Variants in ADGRB1 observed in about 807,000 individuals in gnomAD.
ADGRB1 encodes the protein adhesion G protein-coupled receptor B1, also known as brain-specific angiogenesis inhibitor 1.
Under a neutral mutation model 175.7 loss-of-function variants are expected in ADGRB1, and 36 were observed. The observed-to-expected ratio is 0.20, with a 90% CI of 0.16 to 0.27. The LOEUF (loss-of-function observed/expected upper bound fraction) is 0.27. Among genes scored for constraint, ADGRB1 ranks in the 10% least tolerant of loss-of-function variants. ADGRB1 has a pLI of 1.00. For synonymous variants in ADGRB1, 1,054 were observed against 979.4 expected (o/e 1.08, Z -1.42); for missense variants, 1,731 against 2,255.3 (o/e 0.77, Z 4.71).
chr8:142,476,985 G>C (rs1352497754), intron 4 of ADGRB1, 129 bp from the exon 5 acceptor site: 4 of 1,306,456 alleles, frequency 3.1e-6, no homozygotes, highest in Non-Finnish European at 3.0e-6. Context: ...TGGTTCGAAG[G>C]CCCGGGGGCT....
At chr8:142,505,475 G>T (rs997007132) in intron 17 of ADGRB1, among the ~76,000 whole-genome samples, 8 of 152,200 alleles carry the variant, frequency 5.3e-5, no homozygotes, top group African/African-American at 1.7e-4. Context: ...TGGGGACAAG[G>T]TTGTGGCCCT....
chr8:142,544,043 C>T (rs537191005), intron 30 of ADGRB1, among the ~76,000 whole-genome samples, 177 bp from the exon 31 acceptor site: 51 of 152,242 alleles, frequency 3.3e-4, no homozygotes, highest in African/African-American at 1.2e-3. Context: ...CTGTGCCTGC[C>T]GCTGCCCAGC....
intron 6 of ADGRB1, 83 bp downstream of exon 6, chr8:142,477,632 C>A (rs1040240391): frequency 2.0e-6 from 3 of 1,489,726 alleles, no homozygotes; most frequent in African/African-American, 2.8e-5. Flanking sequence ...GCCCAGGAGC[C>A]CAGCTTTGCC....
chr8:142,476,693 C>T lies in ADGRB1; in HGVS notation c.1055C>T (p.Thr352Ile), dbSNP rs1290599967. ...CAGTTTGGGTTCCCAGCCCCCCAGA[C>T]CGGTGAGCTGGCGGGAGGGGGGTGG... ...LQQFGFPAPQTGDPAAEEWSP... is the reference protein window; with the variant it reads ...LQQFGFPAPQIGDPAAEEWSP... The change falls in exon 4 of 31, where the codon ACC (threonine) becomes ATC (isoleucine). Residue 352 changes from threonine (T) to isoleucine (I), a missense_variant and splice_region_variant. Physicochemically the swap from Thr to Ile is moderately conservative, Grantham distance 89. Around this residue, in one of 8 missense-constraint regions of ADGRB1, gnomAD observed 178 missense variants for 227.8 expected, o/e 0.78. Coordinates refer to ENST00000517894, the MANE Select transcript of ADGRB1 (RefSeq NM_001702.3). The T allele has an allele frequency of 1.9e-6, 3 of 1,544,946 alleles. No homozygotes were observed. The East Asian group carries it at 7.4e-5, about 38-fold the overall frequency.
chr8:142,529,523 AGT>A (rs372043957), intron 24 of ADGRB1, among the ~76,000 whole-genome samples: 6 of 152,112 alleles, frequency 3.9e-5, no homozygotes, highest in African/African-American at 1.4e-4. Context: ...CATGTGTAAG[AGT>A]GTGCCTTGAT....
At chr8:142,496,403 G>A (rs1243847167) in intron 17 of ADGRB1, among the ~76,000 whole-genome samples, 1 of 151,930 alleles carries the variant, frequency 6.6e-6, no homozygotes, top group Non-Finnish European at 1.5e-5. Flanking sequence ...TGTGTGAATG[G>A]AGGTATGGAC....
In ADGRB1 at chr8:142,464,086, G is replaced by GCCCCCACCCGGC; in HGVS notation, c.-111_-110insCCCACCCGGCCC. 1.0e-4 allele frequency: 20 copies of GCCCCCACCCGGC among 197,984 alleles called. No homozygotes were observed. The highest frequency in any genetic ancestry group is 4.6e-4 in the East Asian group (4 of 8,766). 12.3% of individuals were successfully genotyped at this position (197,984 alleles called of 1,614,324 possible). ...CCCTCTCCCATCCCACCCTTGCCCCGCCTCCCTGCCCCCACCGGGCCGGCC... is the reference window on the plus strand; with the variant it reads ...CCCTCTCCCATCCCACCCTTGCCCCGCCCCCACCCGGCCCTCCCTGCCCCCACCGGGCCGGCC... On this transcript the variant is annotated 5_prime_UTR_variant, in exon 2 of 31. Transcript: ENST00000517894.
intron 3 of ADGRB1, 48 bp downstream of exon 3, chr8:142,475,683 G>A (rs1840921494): frequency 8.4e-7 from 1 of 1,191,250 alleles, no homozygotes; most frequent in Non-Finnish European, 1.0e-6. Flanking sequence ...GAGAGGCGGG[G>A]CCTGTGAGGG....
At chr8:142,518,510 T>C (rs13254742) in intron 19 of ADGRB1, among the ~76,000 whole-genome samples, 152,312 of 152,312 alleles carry the variant, frequency 1, 76,156 homozygotes, top group Non-Finnish European at 1. Context: ...CGTGCCCCCT[T>C]TGCCTGCACT....
At chr8:142,540,612 G>T (rs973745718) in intron 27 of ADGRB1, among the ~76,000 whole-genome samples, 1 of 152,214 alleles carries the variant, frequency 6.6e-6, no homozygotes, top group East Asian at 1.9e-4. Context: ...GGGTACATGC[G>T]AGGGAGGCAC....
At chr8:142,495,492 C>T (rs1185008285) in intron 17 of ADGRB1, among the ~76,000 whole-genome samples, 1 of 152,206 alleles carries the variant, frequency 6.6e-6, no homozygotes, top group Non-Finnish European at 1.5e-5. Context: ...TATCTATTAT[C>T]TCCCAGTTCT....
chr8:142,496,981 C>T (rs748505114), intron 17 of ADGRB1, among the ~76,000 whole-genome samples: 3 of 152,186 alleles, frequency 2.0e-5, no homozygotes, highest in Non-Finnish European at 2.9e-5. Flanking sequence ...TCCTGGTAGG[C>T]GTGTGTGGAA....
At chr8:142,512,395 G>T (rs1451401684) in intron 18 of ADGRB1, among the ~76,000 whole-genome samples, 1 of 152,222 alleles carries the variant, frequency 6.6e-6, no homozygotes, top group Non-Finnish European at 1.5e-5. Context: ...CTTTCACTGG[G>T]CAGCCTTTCT....
chr8:142,478,396 T>C (rs111988863), intron 7 of ADGRB1, 36 bp downstream of exon 7: 19,236 of 1,548,408 alleles, frequency 0.012, 167 homozygotes, highest in East Asian at 0.041. Flanking sequence ...GGGGGGCACC[T>C]AACAAGCAGG....
chr8:142,534,172 T>C (rs552760794), intron 25 of ADGRB1, among the ~76,000 whole-genome samples: 1 of 152,310 alleles, frequency 6.6e-6, no homozygotes, highest in South Asian at 2.1e-4. Flanking sequence ...CAGTCCCAGC[T>C]AACTGGAGAC....
rs1563758591 is a variant in ADGRB1, at chr8:142,543,787, A to C, written c.4557+79A>C. 2 of 1,304,064 alleles carry C rather than the reference A, an allele frequency of 1.5e-6. No individual in the cohort carries two copies. The highest frequency in any genetic ancestry group is 2.5e-5 in the South Asian group (2 of 78,818). The allele number at this position is 1,304,064 out of a possible 1,614,324, so 80.8% of individuals were successfully genotyped here. A position where few individuals can be genotyped will look rare whatever the true frequency, so the allele number is the denominator to read the frequency against. ...TCTCCCTTCTTCCCTGGATTTGTGCACTTCATCCATCCATCCATCCATCCA... is the reference window on the plus strand; with the variant it reads ...TCTCCCTTCTTCCCTGGATTTGTGCCCTTCATCCATCCATCCATCCATCCA... On this transcript the variant is annotated intron_variant, in intron 30 of 30. Transcript: ENST00000517894. The surrounding 1 kb of genome is among the most constrained non-coding windows in gnomAD (Gnocchi z 4.4).
chr8:142,531,250 C>G (rs1325454030), intron 24 of ADGRB1, among the ~76,000 whole-genome samples: 1 of 152,234 alleles, frequency 6.6e-6, no homozygotes, highest in Non-Finnish European at 1.5e-5. Context: ...AGGCCCCAGC[C>G]GAGGGGTCCT....
chr8:142,464,624 C>A lies in ADGRB1; in HGVS notation c.426C>A (p.Phe142Leu). 1 of 1,522,620 alleles carries A rather than the reference C, an allele frequency of 6.6e-7. No individual in the cohort carries two copies. The highest frequency in any genetic ancestry group is 1.4e-5 in the African/African-American group (1 of 71,088). The allele number at this position is 1,522,620 out of a possible 1,614,324, so 94.3% of individuals were successfully genotyped here. A position where few individuals can be genotyped will look rare whatever the true frequency, so the allele number is the denominator to read the frequency against. Reference sequence around the variant, plus strand: ...CCTTCCTGCAGGCCAGCAAGCAGTTCCTGCAGATGCGGCGCCAGCAGCCGC... The same window carrying A: ...CCTTCCTGCAGGCCAGCAAGCAGTTACTGCAGATGCGGCGCCAGCAGCCGC... ...PLAFLQASKQ[F>L]LQMRRQQPPQ... The change falls in exon 2 of 31, where the codon TTC becomes TTA. Residue 142 changes from phenylalanine (F) to leucine (L), a missense_variant. By Grantham distance (22) the Phe-to-Leu change is conservative (BLOSUM62 0). This residue lies in a region of ADGRB1 where 383 missense variants were observed against 383.1 expected (regional missense o/e 1.00). Transcript: ENST00000517894.
intron 24 of ADGRB1, among the ~76,000 whole-genome samples, chr8:142,528,604 C>T (rs943552979): frequency 1.3e-5 from 2 of 152,228 alleles, no homozygotes; most frequent in African/African-American, 4.8e-5. Flanking sequence ...GGAGTCCTCT[C>T]TGCCGCCGAT....
Sources: gnomAD v4.1 joint callset for allele counts (sites outside exome capture counted in the v4.1 genomes callset) on GRCh38, gnomAD v4.1.1 for gene constraint, gnomAD v4.1.1 regional missense constraint, Gnocchi (gnomAD v3.1) non-coding constraint, MANE v1.5 for transcripts, NCBI Gene and HGNC (gene_info 2026-07-23, HGNC 2026-07-21) for gene names.